VPS37C: variants seen among roughly 807,000 people sequenced by gnomAD.
VPS37C encodes VPS37C subunit of ESCRT-I, also known as vacuolar protein sorting-associated protein 37C.
In VPS37C, 9 loss-of-function variants were observed where a neutral mutation model predicts 16.1. The observed-to-expected ratio is 0.56, with a 90% CI of 0.34 to 0.97. The LOEUF (loss-of-function observed/expected upper bound fraction) is 0.97. VPS37C is among the 50% of genes least tolerant of loss of function. The pLI is 0.02. For missense variants in VPS37C, 479 were observed against 472.7 expected (o/e 1.01, Z -0.12); for synonymous variants, 207 against 206.4 (o/e 1.00, Z -0.02).
At chr11:61,136,862 A>G (rs1016972401) in intron 2 of VPS37C, among the ~76,000 whole-genome samples, 2 of 152,186 alleles carry the variant, frequency 1.3e-5, no homozygotes, top group Non-Finnish European at 2.9e-5. Context: ...TTTAGAAATT[A>G]GCCAGGTGTG....
At chr11:61,154,010 A>T (rs1201265983) in intron 1 of VPS37C, among the ~76,000 whole-genome samples, 1 of 152,252 alleles carries the variant, frequency 6.6e-6, no homozygotes, top group East Asian at 1.9e-4. Context: ...AGTGAGGAAA[A>T]ATCAGGCCTG....
rs934531546 is a variant in VPS37C at position 61,132,267 on chromosome 11, G to A, written c.621C>T (p.Tyr207=). The part of the protein sequence containing the change: ...PLAMPPYPLP[Y]SPSPSLPVGP... ...CCACAGGCAGGCTGGGGGATGGGCT[G>A]TAGGGCAAAGGGTAGGGAGGCATGG... Residue 207 remains tyrosine, a synonymous_variant, in exon 5 of 5, where the codon TAC becomes TAT. Transcript: ENST00000301765. 8.0e-5 allele frequency: 124 copies of A among 1,541,066 alleles called. No homozygotes were observed. The highest frequency in any genetic ancestry group is 1.0e-4 in the Non-Finnish European group (118 of 1,142,468).
At chr11:61,138,956 G>T in intron 1 of VPS37C, 121 bp from the exon 2 acceptor site, 1 of 896,138 alleles carries the variant, frequency 1.1e-6, no homozygotes, top group Non-Finnish European at 1.8e-6. Context: ...CCACTCCACC[G>T]GGAGGCTCGA....
At chr11:61,146,218 A>G (rs1045616352) in intron 1 of VPS37C, among the ~76,000 whole-genome samples, 3 of 152,228 alleles carry the variant, frequency 2.0e-5, no homozygotes, top group African/African-American at 7.2e-5. Flanking sequence ...ATACTTATGA[A>G]GCAATTGCAT....
At chr11:61,154,030 C>T (rs1480316316) in intron 1 of VPS37C, among the ~76,000 whole-genome samples, 1 of 152,256 alleles carries the variant, frequency 6.6e-6, no homozygotes, top group Admixed American at 6.5e-5. Context: ...GGGCCTAAGG[C>T]TGTTCTGATT....
In VPS37C at chr11:61,131,894, G is replaced by A; in HGVS notation, c.994C>T (p.Pro332Ser). ...GQPQPSVPLQPPYPPGPAPPY... is the reference protein window; with the variant it reads ...GQPQPSVPLQSPYPPGPAPPY... ...GGGGCGGGCCCGGGGGGATAAGGGG[G>A]CTGCAGGGGCACTGAGGGCTGGGGC... Residue 332 changes from proline to serine, a missense_variant, in exon 5 of 5, where the codon CCC (proline) becomes TCC (serine). Coordinates refer to ENST00000301765, the MANE Select transcript of VPS37C (RefSeq NM_017966.5). 7.8e-7 allele frequency: 1 copy of A among 1,281,532 alleles called. No homozygotes were observed. The highest frequency in any genetic ancestry group is 9.9e-7 in the Non-Finnish European group (1 of 1,008,070). 79.4% of individuals were successfully genotyped at this position (1,281,532 alleles called of 1,614,324 possible).
intron 1 of VPS37C, among the ~76,000 whole-genome samples, chr11:61,139,108 C>A (rs1294896870): frequency 6.6e-6 from 1 of 152,138 alleles, no homozygotes; most frequent in Non-Finnish European, 1.5e-5. Context: ...AACCACAATC[C>A]TCGGGTGCTA....
At chr11:61,140,869 C>T (rs1861462602) in intron 1 of VPS37C, among the ~76,000 whole-genome samples, 1 of 152,190 alleles carries the variant, frequency 6.6e-6, no homozygotes, top group South Asian at 2.1e-4. Context: ...TTCAAACCTG[C>T]ATTCTGTCCA....
intron 1 of VPS37C, among the ~76,000 whole-genome samples, chr11:61,139,745 T>TTTA (rs200167827): frequency 7.0e-6 from 1 of 141,976 alleles, no homozygotes; most frequent in African/African-American, 2.6e-5. Context: ...CCATAGCTTT[T>TTTA]TTTTTTTTTT....
At chr11:61,140,911 C>T (rs1861463479) in intron 1 of VPS37C, among the ~76,000 whole-genome samples, 1 of 152,158 alleles carries the variant, frequency 6.6e-6, no homozygotes, top group African/African-American at 2.4e-5. Context: ...AACCCTTGGT[C>T]TAAAAGCCCC....
chr11:61,138,837 T>C lies in VPS37C; in HGVS notation c.-6-2A>G, dbSNP rs769767855. 1 of 1,613,918 alleles carries C rather than the reference T, an allele frequency of 6.2e-7. No homozygotes were observed. The highest frequency in any genetic ancestry group is 1.1e-5 in the South Asian group (1 of 91,072). On this transcript the variant is annotated splice_acceptor_variant, in intron 1 of 4. Coordinates refer to ENST00000301765, the MANE Select transcript of VPS37C (RefSeq NM_017966.5). LOFTEE classifies it low-confidence loss of function (5UTR_SPLICE). ...ATCCTTCAGCGTCTCCATCCTTCCC[T>C]GTGAACACAGTGACACCAAAGTAAC...
At chr11:61,150,057 G>A (rs890287343) in intron 1 of VPS37C, among the ~76,000 whole-genome samples, 1 of 152,076 alleles carries the variant, frequency 6.6e-6, no homozygotes, top group African/African-American at 2.4e-5. Flanking sequence ...GACTCCTCCC[G>A]AACCTGCTGA....
chr11:61,143,417 G>A (rs1194964470), intron 1 of VPS37C: 4 of 121,072 alleles, frequency 3.3e-5, no homozygotes, highest in South Asian at 2.7e-4. Context: ...TTGTGCTGTC[G>A]CCCAGGCTGG....
Position 61,132,246 on chromosome 11 carries a change from A to T in VPS37C, c.642T>A (p.Pro214=). Reference sequence around the variant, plus strand: ...GGGCTCCATGGGCAGTGGGGCCCACAGGCAGGCTGGGGGATGGGCTGTAGG... The same window carrying T: ...GGGCTCCATGGGCAGTGGGGCCCACTGGCAGGCTGGGGGATGGGCTGTAGG... ...PLPYSPSPSL[P]VGPTAHGALP... The change falls in exon 5 of 5, where the codon CCT becomes CCA. Residue 214 remains proline, a synonymous_variant. Coordinates refer to ENST00000301765, the MANE Select transcript of VPS37C (RefSeq NM_017966.5). The T allele has an allele frequency of 6.6e-7, 1 of 1,521,534 alleles. No individual in the cohort carries two copies. Among genetic ancestry groups the T allele is most frequent in the Non-Finnish European group, 8.8e-7 (1 of 1,134,190 alleles). The allele number at this position is 1,521,534 out of a possible 1,614,324, so 94.3% of individuals were successfully genotyped here. A position where few individuals can be genotyped will look rare whatever the true frequency, so the allele number is the denominator to read the frequency against.
At chr11:61,137,043 A>G (rs1374161921) in intron 2 of VPS37C, among the ~76,000 whole-genome samples, 1 of 152,090 alleles carries the variant, frequency 6.6e-6, no homozygotes, top group African/African-American at 2.4e-5. Flanking sequence ...GCAAAGTGGG[A>G]GATAAAACCA....
In VPS37C at chr11:61,132,374, G is replaced by A; in HGVS notation, c.514C>T (p.Pro172Ser). 1.2e-6 allele frequency: 2 copies of A among 1,601,384 alleles called. No individual in the cohort carries two copies. Among genetic ancestry groups the A allele is most frequent in the South Asian group, 1.1e-5 (1 of 89,556 alleles). The change falls in exon 5 of 5, where the codon CCA (proline) becomes TCA (serine). Residue 172 changes from proline to serine, a missense_variant. Pro to Ser is a moderately conservative substitution (Grantham distance 74). Coordinates refer to ENST00000301765, the MANE Select transcript of VPS37C (RefSeq NM_017966.5). ...CGCACCGGGGGTGGTGGACGGGGTG[G>A]AGGGGCATCGCCGGCCAGCTCCTGG... ...ASQELAGDAP[P>S]PRPPPPVRPV...
At chr11:61,153,065 T>A (rs1419471532) in intron 1 of VPS37C, among the ~76,000 whole-genome samples, 1 of 152,212 alleles carries the variant, frequency 6.6e-6, no homozygotes, top group Non-Finnish European at 1.5e-5. Context: ...TGTTTCTGCA[T>A]CCCAGCGCCT....
At chr11:61,155,821 G>A (rs1183016592) in intron 1 of VPS37C, among the ~76,000 whole-genome samples, 1 of 152,140 alleles carries the variant, frequency 6.6e-6, no homozygotes, top group Non-Finnish European at 1.5e-5. Flanking sequence ...AAACGAACAA[G>A]TAAATATAAA....
Position 61,138,817 on chromosome 11 carries a change from T to C in VPS37C, c.13A>G (p.Lys5Glu), listed in dbSNP as rs1861424863. 6.2e-7 allele frequency: 1 copy of C among 1,613,954 alleles called. No individual in the cohort carries two copies. The highest frequency in any genetic ancestry group is 1.7e-5 in the Admixed American group (1 of 59,988). ...TCCAGCTCCTGCAGGGTCTTATCCTTCAGCGTCTCCATCCTTCCCTGTGAA... is the reference window on the plus strand; with the variant it reads ...TCCAGCTCCTGCAGGGTCTTATCCTCCAGCGTCTCCATCCTTCCCTGTGAA... METL[K>E]DKTLQELEEL... The change falls in exon 2 of 5, where the codon AAG (lysine) becomes GAG (glutamate). Residue 5 changes from lysine to glutamate, a missense_variant. Physicochemically the swap from Lys to Glu is moderately conservative, Grantham distance 56. Coordinates refer to ENST00000301765, the MANE Select transcript of VPS37C (RefSeq NM_017966.5).
Sources: gnomAD v4.1 joint callset for allele counts (sites outside exome capture counted in the v4.1 genomes callset) on GRCh38, gnomAD v4.1.1 for gene constraint, MANE v1.5 for transcripts, NCBI Gene and HGNC (gene_info 2026-07-23, HGNC 2026-07-21) for gene names.